IGFN1: variants seen among roughly 807,000 people sequenced by gnomAD.
The protein encoded by IGFN1 is immunoglobulin-like and fibronectin type III domain-containing protein 1.
IGFN1 carries 253 observed loss-of-function variants against 289.5 expected under a neutral mutation model. That is an observed-to-expected ratio of 0.87 (90% CI 0.79 to 0.97). The LOEUF is 0.97. Ranked by LOEUF, IGFN1 falls within the 50% of genes least tolerant of loss-of-function variation. IGFN1 has a pLI of 0.00. For synonymous variants in IGFN1, 1,706 were observed against 1,788.5 expected (o/e 0.95, Z 1.16); for missense variants, 4,470 against 4,686.1 (o/e 0.95, Z 1.35).
chr1:201,204,983 C>A, intron 10 of IGFN1, 99 bp from the exon 11 acceptor site: 1 of 1,235,188 alleles, frequency 8.1e-7, no homozygotes, highest in Non-Finnish European at 1.1e-6. Flanking sequence ...TGTGGCTGAG[C>A]TGGTCTAAGC....
chr1:201,216,359 G>A (rs1303740129), intron 15 of IGFN1, 95 bp from the exon 16 acceptor site: 12 of 984,956 alleles, frequency 1.2e-5, no homozygotes, highest in South Asian at 1.7e-5. Flanking sequence ...GGGGGTGGGG[G>A]GGAGTCGGGG....
rs149638738 is a variant in IGFN1, at chr1:201,206,663, G to A, written c.1770G>A (p.Arg590=). 4.6e-5 allele frequency: 71 copies of A among 1,537,484 alleles called. No individual in the cohort carries two copies. In the Middle Eastern group the frequency reaches 6.7e-4, roughly 14 times the overall value. ...GGGACAGTGGAAGACAACTGGACAG[G>A]CATGCCCCAGAGCAACTGTGGGATG... ...HRGDSGRQLD[R]HAPEQLWDAR... Residue 590 remains arginine, a synonymous_variant, in exon 12 of 24, where the codon AGG becomes AGA. Coordinates refer to ENST00000335211, the MANE Select transcript of IGFN1 (RefSeq NM_001164586.2).
At chr1:201,198,992 C>T (rs554085281) in intron 5 of IGFN1, among the ~76,000 whole-genome samples, 2 of 152,328 alleles carry the variant, frequency 1.3e-5, no homozygotes, top group African/African-American at 4.8e-5. Context: ...GAGCAGCTGC[C>T]CCTTTAGATA....
rs1392314182 is a variant in IGFN1, at chr1:201,212,746, G to A, written c.7853G>A (p.Arg2618Lys). The part of the protein sequence containing the change: ...RGKSTSGPAD[R>K]QGTSNAWAPD... ...AAGTCAACATCAGGGCCTGCTGATAGACAAGGGACGAGCAATGCTTGGGCT... is the reference window on the plus strand; with the variant it reads ...AAGTCAACATCAGGGCCTGCTGATAAACAAGGGACGAGCAATGCTTGGGCT... Residue 2618 changes from arginine (R) to lysine (K), a missense_variant, in exon 12 of 24, where the codon AGA becomes AAA. Around this residue, in one of 8 missense-constraint regions of IGFN1, gnomAD observed 2,218 missense variants for 2,114.1 expected, o/e 1.05. Coordinates refer to ENST00000335211, the MANE Select transcript of IGFN1 (RefSeq NM_001164586.2). 2 of 1,551,462 alleles carry A rather than the reference G, an allele frequency of 1.3e-6. No homozygotes were observed. Among genetic ancestry groups the A allele is most frequent in the African/African-American group, 2.7e-5 (2 of 73,044 alleles).
At position 201,216,463 on chromosome 1, in the gene IGFN1, A is replaced by G. The variant is rs374803219; in HGVS notation, c.9305A>G (p.Asp3102Gly). The G allele has an allele frequency of 2.2e-5, 35 of 1,566,882 alleles. No individual in the cohort carries two copies. In the East Asian group the frequency reaches 7.2e-4, roughly 32 times the overall value. ...ELTLQVIDKP[D>G]PPQGPMEVQD... ...CTCTGTGGGTCCCCAGACAAGCCTGATCCCCCACAAGGCCCCATGGAGGTT... is the reference window on the plus strand; with the variant it reads ...CTCTGTGGGTCCCCAGACAAGCCTGGTCCCCCACAAGGCCCCATGGAGGTT... Residue 3102 changes from aspartate to glycine, a missense_variant, in exon 16 of 24, where the codon GAT becomes GGT. Coordinates refer to ENST00000335211, the MANE Select transcript of IGFN1 (RefSeq NM_001164586.2).
Position 201,205,253 on chromosome 1 carries a change from T to A in IGFN1, c.1088T>A (p.Leu363Gln). 6.4e-7 allele frequency: 1 copy of A among 1,551,020 alleles called. No individual in the cohort carries two copies. The highest frequency in any genetic ancestry group is 8.7e-7 in the Non-Finnish European group (1 of 1,146,956). Residue 363 changes from leucine to glutamine, a missense_variant, in exon 11 of 24, where the codon CTG becomes CAG. Physicochemically the swap from Leu to Gln is moderately radical, Grantham distance 113. Around this residue, in one of 8 missense-constraint regions of IGFN1, gnomAD observed 2,011 missense variants for 1,953.4 expected, o/e 1.03. Coordinates refer to ENST00000335211, the MANE Select transcript of IGFN1 (RefSeq NM_001164586.2). ...GAAGTGTATGTGTCCCCTGACGGGC[T>A]GACCCACCGGCTGGTGGTGAGGGGG... ...KYEVYVSPDG[L>Q]THRLVVRGAR...
chr1:201,219,939 C>T (rs1653604955), intron 18 of IGFN1, among the ~76,000 whole-genome samples: 1 of 76,694 alleles, frequency 1.3e-5, no homozygotes, highest in South Asian at 6.3e-4. Flanking sequence ...TTCTCTCTCT[C>T]CTTCCTTCTT....
rs1310004718 is a variant in IGFN1 at position 201,221,607 on chromosome 1, C to T, written c.10062C>T (p.Gly3354=). ...TCCAGTGGCTCCCGTGCCATGTGGG[C>T]ACCGTGCCAGTCACCACCTACACGG... ...DSLQWLPCHV[G]TVPVTTYTAK... Residue 3354 remains glycine, a synonymous_variant, in exon 19 of 24, where the codon GGC becomes GGT. Transcript: ENST00000335211. 3 of 1,614,200 alleles carry T rather than the reference C, an allele frequency of 1.9e-6. No individual in the cohort carries two copies. The highest frequency in any genetic ancestry group is 8.5e-7 in the Non-Finnish European group (1 of 1,180,018).
chr1:201,226,834 C>G (rs774838545), intron 22 of IGFN1, 48 bp from the exon 23 acceptor site: 3 of 1,427,148 alleles, frequency 2.1e-6, no homozygotes, highest in Non-Finnish European at 1.9e-6. Flanking sequence ...CTCAGCCAGG[C>G]CTTCCTCGCT....
chr1:201,208,582 C>T lies in IGFN1; in HGVS notation c.3689C>T (p.Thr1230Ile). The change falls in exon 12 of 24, where the codon ACA becomes ATA. Residue 1230 changes from threonine to isoleucine, a missense_variant. Coordinates refer to ENST00000335211, the MANE Select transcript of IGFN1 (RefSeq NM_001164586.2). ...GGGCCTCAGGGAACTGGGGTCAGAACAGCCTATGGAGAAAGGTCAAGGGGC... is the reference window on the plus strand; with the variant it reads ...GGGCCTCAGGGAACTGGGGTCAGAATAGCCTATGGAGAAAGGTCAAGGGGC... ...LPGPQGTGVR[T>I]AYGERSRGLG... 6.7e-7 allele frequency: 1 copy of T among 1,481,488 alleles called. No individual in the cohort carries two copies. Among genetic ancestry groups the T allele is most frequent in the Non-Finnish European group, 8.9e-7 (1 of 1,124,182 alleles). 91.8% of individuals were successfully genotyped at this position (1,481,488 alleles called of 1,614,324 possible). A position where few individuals can be genotyped will look rare whatever the true frequency, so the allele number is the denominator to read the frequency against.
rs1275372901 is a variant in IGFN1 at position 201,213,445 on chromosome 1, G to T, written c.8552G>T (p.Gly2851Val). ...MGWQPMGENW[G>V]CLEEMLNEDQ... is the part of the protein sequence containing the mutation. ...TGGCAGCCTATGGGAGAGAACTGGG[G>T]GTGCCTGGAGGAGATGCTGAATGAA... is the stretch of plus-strand genomic sequence containing the variant. Residue 2851 changes from glycine (G) to valine (V), a missense_variant, in exon 12 of 24, where the codon GGG becomes GTG. Coordinates refer to ENST00000335211, the MANE Select transcript of IGFN1 (RefSeq NM_001164586.2). 9 of 1,613,934 alleles carry T rather than the reference G, an allele frequency of 5.6e-6. No individual in the cohort carries two copies. Among genetic ancestry groups the T allele is most frequent in the African/African-American group, 1.3e-5 (1 of 74,892 alleles).
chr1:201,225,746 T>C, intron 21 of IGFN1, 78 bp from the exon 22 acceptor site: 1 of 1,341,816 alleles, frequency 7.5e-7, no homozygotes, highest in South Asian at 1.4e-5. Context: ...CCCTCAGAAG[T>C]CCTGGGACCT....
In IGFN1 at chr1:201,195,917, T is replaced by C. The variant is rs1261279255; in HGVS notation, c.206T>C (p.Leu69Pro). The change falls in exon 4 of 24, where the codon CTC becomes CCC. Residue 69 changes from leucine to proline, a missense_variant. By Grantham distance (98) the Leu-to-Pro change is moderately conservative. Around this residue, in one of 8 missense-constraint regions of IGFN1, gnomAD observed 2,011 missense variants for 1,953.4 expected, o/e 1.03. Transcript: ENST00000335211. ...CGTTGGCAGAACTCCAAAGGTGACC[T>C]CAGTGATTCCAGCAAGTACAAGATC... is the stretch of plus-strand genomic sequence containing the variant. ...EVRWQNSKGD[L>P]SDSSKYKISS... 2 of 1,551,734 alleles carry C rather than the reference T, an allele frequency of 1.3e-6. No homozygotes were observed. The highest frequency in any genetic ancestry group is 1.7e-6 in the Non-Finnish European group (2 of 1,147,032).
In IGFN1 at chr1:201,203,877, T is replaced by A. The variant is rs945158256; in HGVS notation, c.887T>A (p.Val296Glu). 3.9e-6 allele frequency: 6 copies of A among 1,551,534 alleles called. No homozygotes were observed. The African/African-American group carries it at 8.2e-5, about 21-fold the overall frequency. Reference protein sequence around the residue: ...GIYQVKVEDAVVFSTELEASA... With the variant: ...GIYQVKVEDAEVFSTELEASA... ...TACCAGGTCAAGGTGGAGGATGCTGTGGTCTTCTCCACAGAACTGGAGGCC... is the reference window on the plus strand; with the variant it reads ...TACCAGGTCAAGGTGGAGGATGCTGAGGTCTTCTCCACAGAACTGGAGGCC... The change falls in exon 10 of 24, where the codon GTG becomes GAG. Residue 296 changes from valine to glutamate, a missense_variant. Val to Glu is a moderately radical substitution (Grantham distance 121). Coordinates refer to ENST00000335211, the MANE Select transcript of IGFN1 (RefSeq NM_001164586.2).
intron 14 of IGFN1, 130 bp from the exon 15 acceptor site, chr1:201,215,409 G>C: frequency 1.1e-6 from 1 of 889,970 alleles, no homozygotes; most frequent in Non-Finnish European, 1.7e-6. Flanking sequence ...CCTTCCCCTT[G>C]TTTGTCCTCA....
Position 201,221,641 on chromosome 1 carries a change from C to T in IGFN1, c.10096C>T (p.Leu3366Phe). Residue 3366 changes from leucine to phenylalanine, a missense_variant, in exon 19 of 24, where the codon CTT (leucine) becomes TTT (phenylalanine). Around this residue, in one of 8 missense-constraint regions of IGFN1, gnomAD observed 2,218 missense variants for 2,114.1 expected, o/e 1.05. Coordinates refer to ENST00000335211, the MANE Select transcript of IGFN1 (RefSeq NM_001164586.2). Reference protein sequence around the residue: ...VPVTTYTAKGLRPGEGYFVRV... With the variant: ...VPVTTYTAKGFRPGEGYFVRV... ...AGTCACCACCTACACGGCCAAGGGG[C>T]TTCGGCCTGGAGAGGGCTACTTCGT... 6.2e-7 allele frequency: 1 copy of T among 1,614,234 alleles called. No individual in the cohort carries two copies. Among genetic ancestry groups the T allele is most frequent in the East Asian group, 2.2e-5 (1 of 44,888 alleles).
Position 201,213,506 on chromosome 1 carries a change from C to T in IGFN1, c.8613C>T (p.Ser2871=), listed in dbSNP as rs770129690. 12 of 1,614,018 alleles carry T rather than the reference C, an allele frequency of 7.4e-6. No individual in the cohort carries two copies. Among genetic ancestry groups the T allele is most frequent in the Non-Finnish European group, 1.0e-5 (12 of 1,179,946 alleles). The change falls in exon 12 of 24, where the codon AGC becomes AGT. Residue 2871 remains serine (S), a synonymous_variant. Coordinates refer to ENST00000335211, the MANE Select transcript of IGFN1 (RefSeq NM_001164586.2). ...QSREPPGHLG[S]RRSGKDGRLD... Reference sequence around the variant, plus strand: ...GGGAGCCCCCTGGTCACCTTGGTAGCAGGAGAAGTGGCAAAGACGGCAGGT... The same window carrying T: ...GGGAGCCCCCTGGTCACCTTGGTAGTAGGAGAAGTGGCAAAGACGGCAGGT...
intron 14 of IGFN1, 47 bp from the exon 15 acceptor site, chr1:201,215,492 G>A: frequency 6.7e-7 from 1 of 1,481,896 alleles, no homozygotes; most frequent in Non-Finnish European, 9.1e-7. Context: ...ATATTCCCCA[G>A]GTGCCCAGTG....
chr1:201,203,479 C>T (rs888400749), intron 9 of IGFN1, among the ~76,000 whole-genome samples: 5 of 152,180 alleles, frequency 3.3e-5, no homozygotes, highest in African/African-American at 1.2e-4. Context: ...ACTTCAGGTG[C>T]CCCTTTGTAT....
Sources: allele counts gnomAD v4.1 joint callset (sites outside exome capture counted in the v4.1 genomes callset), GRCh38; gene constraint gnomAD v4.1.1; regional missense constraint gnomAD v4.1.1; transcripts MANE v1.5; gene names NCBI Gene and HGNC (gene_info 2026-07-23, HGNC 2026-07-21).